The following ENTREP2 variants were observed in gnomAD, a reference collection of about 807,000 sequenced individuals.
ENTREP2 encodes the protein endosomal transmembrane epsin interactor 2, also known as protein ENTREP2.
At chr15:29,566,151 TTTTG>T in the ENTREP2 span, among the ~76,000 whole-genome samples, 191 of 151,770 alleles carry the variant, frequency 1.3e-3, no homozygotes, top group African/African-American at 3.8e-3. Context: ...TATATATATT[TTTTG>T]TTTGTTTGTT....
chr15:29,159,876 T>A, the ENTREP2 span, among the ~76,000 whole-genome samples: 1 of 152,236 alleles, frequency 6.6e-6, no homozygotes, highest in African/African-American at 2.4e-5. Context: ...CTTCACCCGG[T>A]GGATCCCGCA....
the ENTREP2 span, among the ~76,000 whole-genome samples, chr15:29,200,199 C>T: frequency 2.0e-5 from 3 of 151,414 alleles, no homozygotes; most frequent in South Asian, 2.1e-4. Flanking sequence ...TTTTTTGAGA[C>T]AGGTCTTGCT....
At chr15:29,337,730 C>T in the ENTREP2 span, among the ~76,000 whole-genome samples, 4 of 152,210 alleles carry the variant, frequency 2.6e-5, no homozygotes, top group African/African-American at 9.6e-5. Flanking sequence ...CCTGCCTGGG[C>T]TCTTTACCTA....
At chr15:29,216,858 A>C in the ENTREP2 span, among the ~76,000 whole-genome samples, 1 of 152,056 alleles carries the variant, frequency 6.6e-6, no homozygotes, top group Non-Finnish European at 1.5e-5. Flanking sequence ...TTGTTTAAAA[A>C]AAAGAAAAGA....
the ENTREP2 span, among the ~76,000 whole-genome samples, chr15:29,409,076 G>A: frequency 6.6e-6 from 1 of 152,104 alleles, no homozygotes; most frequent in East Asian, 1.9e-4. Flanking sequence ...CAGTTAATTT[G>A]TTCAAACTAG....
the ENTREP2 span, among the ~76,000 whole-genome samples, chr15:29,554,747 G>A: frequency 4.1e-4 from 60 of 148,122 alleles, no homozygotes; most frequent in Admixed American, 2.2e-3. Flanking sequence ...GGAAGGGCCC[G>A]GGTATTCTCA....
the ENTREP2 span, among the ~76,000 whole-genome samples, chr15:29,492,869 T>C: frequency 6.6e-6 from 1 of 151,704 alleles, no homozygotes; most frequent in South Asian, 2.1e-4. Flanking sequence ...CCAGGCGTGG[T>C]GGCGGGCACC....
chr15:29,363,573 C>T, the ENTREP2 span, among the ~76,000 whole-genome samples: 1 of 151,976 alleles, frequency 6.6e-6, no homozygotes, highest in African/African-American at 2.4e-5. Context: ...ATCAGCATAG[C>T]AATGAAGAGA....
At chr15:29,359,630 C>T in the ENTREP2 span, among the ~76,000 whole-genome samples, 1 of 152,168 alleles carries the variant, frequency 6.6e-6, no homozygotes, top group Non-Finnish European at 1.5e-5. Context: ...CCAGGATGGT[C>T]TTGATCTCCT....
the ENTREP2 span, among the ~76,000 whole-genome samples, chr15:29,533,460 C>A: frequency 6.6e-6 from 1 of 152,146 alleles, no homozygotes; most frequent in African/African-American, 2.4e-5. Context: ...GGACTAGACT[C>A]GGGGATAAGA....
At chr15:29,656,986 C>T in the ENTREP2 span, among the ~76,000 whole-genome samples, 2 of 152,150 alleles carry the variant, frequency 1.3e-5, no homozygotes, top group East Asian at 1.9e-4. Flanking sequence ...CAGTTGCTGC[C>T]GGCCAGGGTG....
chr15:29,386,511 A>T, the ENTREP2 span, among the ~76,000 whole-genome samples: 1 of 152,202 alleles, frequency 6.6e-6, no homozygotes, highest in Non-Finnish European at 1.5e-5. Context: ...GAAAACTATG[A>T]GGTATTAAGT....
At chr15:29,443,782 T>C in the ENTREP2 span, among the ~76,000 whole-genome samples, 3 of 151,894 alleles carry the variant, frequency 2.0e-5, no homozygotes, top group East Asian at 1.9e-4. Context: ...GAGGCTTTGA[T>C]TGGCATTCAG....
At chr15:29,539,222 C>T in the ENTREP2 span, among the ~76,000 whole-genome samples, 1 of 124,472 alleles carries the variant, frequency 8.0e-6, no homozygotes, top group African/African-American at 3.0e-5. Context: ...CCCACCCCCA[C>T]CAGCATCCAC....
At chr15:29,654,113 C>A in the ENTREP2 span, among the ~76,000 whole-genome samples, 6 of 152,154 alleles carry the variant, frequency 3.9e-5, no homozygotes, top group Middle Eastern at 3.4e-3. Context: ...AAATATTAGA[C>A]CCATCCAAGG....
the ENTREP2 span, among the ~76,000 whole-genome samples, chr15:29,469,662 G>T: frequency 6.6e-6 from 1 of 152,200 alleles, no homozygotes; most frequent in South Asian, 2.1e-4. Context: ...GGTGGTGATG[G>T]CTGAGCAACA....
the ENTREP2 span, among the ~76,000 whole-genome samples, chr15:29,504,084 G>A: frequency 6.6e-6 from 1 of 152,160 alleles, no homozygotes; most frequent in Non-Finnish European, 1.5e-5. Context: ...GGCCCTACTA[G>A]GAGTACAGAT....
the ENTREP2 span, among the ~76,000 whole-genome samples, chr15:29,393,566 T>A: frequency 6.6e-6 from 1 of 152,130 alleles, no homozygotes; most frequent in Non-Finnish European, 1.5e-5. Flanking sequence ...ACCTTGATGA[T>A]CTGCAATGCA....
At chr15:29,158,734 G>T in the ENTREP2 span, among the ~76,000 whole-genome samples, 1 of 152,058 alleles carries the variant, frequency 6.6e-6, no homozygotes, top group African/African-American at 2.4e-5. Context: ...AGAGAGAGGC[G>T]GGTCTTTCAT....
Sources: gnomAD v4.1 joint callset for allele counts (sites outside exome capture counted in the v4.1 genomes callset) on GRCh38, gnomAD v4.1.1 for gene constraint, MANE v1.5 for transcripts, NCBI Gene and HGNC (gene_info 2026-07-23, HGNC 2026-07-21) for gene names.